The following PARM1 variants were observed in gnomAD, a reference collection of about 807,000 sequenced individuals.
PARM1 encodes the protein WSC4, cell wall integrity and stress response component 4 homolog.
A neutral mutation model predicts 24.6 loss-of-function variants in PARM1; 14 were observed. The observed-to-expected ratio is 0.57, with a 90% CI of 0.38 to 0.89. The LOEUF (loss-of-function observed/expected upper bound fraction) is 0.89. Among genes scored for constraint, PARM1 ranks in the 40% least tolerant of loss-of-function variants. PARM1 has a pLI of 0.00. For synonymous variants in PARM1, 179 were observed against 156.6 expected (o/e 1.14, Z -1.07); for missense variants, 362 against 380.4 (o/e 0.95, Z 0.40).
intron 2 of PARM1, among the ~76,000 whole-genome samples, chr4:75,021,684 C>T (rs1723091291): frequency 1.3e-5 from 2 of 152,064 alleles, no homozygotes; most frequent in Non-Finnish European, 2.9e-5. Context: ...CGAGGTTTAC[C>T]TTCCTCCTAA....
At chr4:75,009,361 C>T (rs545391179) in intron 1 of PARM1, among the ~76,000 whole-genome samples, 1 of 152,330 alleles carries the variant, frequency 6.6e-6, no homozygotes, top group East Asian at 1.9e-4. Flanking sequence ...AGCCTAGTAC[C>T]TGAATGTTTC....
intron 1 of PARM1, among the ~76,000 whole-genome samples, chr4:74,977,210 T>C (rs1000626970): frequency 9.9e-5 from 15 of 152,138 alleles, no homozygotes; most frequent in African/African-American, 3.1e-4. Flanking sequence ...CTAAGAATCA[T>C]GATAAAACAT....
In PARM1 at chr4:74,933,278, G is replaced by T. The variant is rs200035210; in HGVS notation, c.-50G>T. The T allele has an allele frequency of 3.8e-6, 6 of 1,569,048 alleles. No individual in the cohort carries two copies. Among genetic ancestry groups the T allele is most frequent in the African/African-American group, 1.4e-5 (1 of 73,752 alleles). On this transcript the variant is annotated 5_prime_UTR_variant, in exon 1 of 4. Transcript: ENST00000307428. Reference sequence around the variant, plus strand: ...AGCGCCCAGTGCGCTCTGTCAGTCCGCAAACTCCTTGCCGCCCGCCCCGGG... The same window carrying T: ...AGCGCCCAGTGCGCTCTGTCAGTCCTCAAACTCCTTGCCGCCCGCCCCGGG...
intron 1 of PARM1, among the ~76,000 whole-genome samples, chr4:75,010,567 A>G (rs1159415045): frequency 6.6e-6 from 1 of 152,236 alleles, no homozygotes; most frequent in Non-Finnish European, 1.5e-5. Flanking sequence ...ACAACAGGCT[A>G]GAGTAGAAAA....
At chr4:74,947,614 A>G (rs1383482458) in intron 1 of PARM1, among the ~76,000 whole-genome samples, 1 of 152,206 alleles carries the variant, frequency 6.6e-6, no homozygotes, top group Non-Finnish European at 1.5e-5. Flanking sequence ...GTTTTCAACA[A>G]CCCTTATATT....
At chr4:75,021,117 GAATC>G (rs1001046405) in intron 2 of PARM1, among the ~76,000 whole-genome samples, 40 of 152,184 alleles carry the variant, frequency 2.6e-4, no homozygotes, top group African/African-American at 6.0e-4. Flanking sequence ...AATGTCCAAT[GAATC>G]AATCAATCAA....
chr4:75,006,092 A>G (rs1233795107), intron 1 of PARM1, among the ~76,000 whole-genome samples: 1 of 152,228 alleles, frequency 6.6e-6, no homozygotes, highest in Non-Finnish European at 1.5e-5. Context: ...TATTTTCTTC[A>G]AAGAAAAGTG....
At chr4:74,992,349 C>T (rs1722494707) in intron 1 of PARM1, among the ~76,000 whole-genome samples, 1 of 152,122 alleles carries the variant, frequency 6.6e-6, no homozygotes, top group South Asian at 2.1e-4. Context: ...AATAACAGAG[C>T]AGCAATGAGT....
intron 2 of PARM1, among the ~76,000 whole-genome samples, chr4:75,015,990 C>T (rs1364540072): frequency 6.6e-6 from 1 of 152,208 alleles, no homozygotes; most frequent in African/African-American, 2.4e-5. Context: ...AGCATTTTGT[C>T]TCATTCTGTG....
At chr4:74,947,783 C>T (rs1578023433) in intron 1 of PARM1, among the ~76,000 whole-genome samples, 1 of 152,190 alleles carries the variant, frequency 6.6e-6, no homozygotes, top group Non-Finnish European at 1.5e-5. Context: ...ATACTCTTCT[C>T]TCCTCCTTTG....
intron 1 of PARM1, among the ~76,000 whole-genome samples, chr4:74,960,083 A>G (rs1319552869): frequency 6.6e-6 from 1 of 152,244 alleles, no homozygotes; most frequent in Non-Finnish European, 1.5e-5. Context: ...TGTAACTTGC[A>G]GGCAGTTTGT....
chr4:75,012,068 T>C (rs993229486), intron 1 of PARM1, among the ~76,000 whole-genome samples: 6 of 152,174 alleles, frequency 3.9e-5, no homozygotes, highest in Admixed American at 2.6e-4. Flanking sequence ...AGTTGGCTGC[T>C]CGGCAGTCCA....
intron 1 of PARM1, among the ~76,000 whole-genome samples, chr4:74,981,363 A>G (rs896066123): frequency 9.9e-5 from 15 of 152,130 alleles, no homozygotes; most frequent in African/African-American, 3.4e-4. Flanking sequence ...TGGCCAAGAA[A>G]CATATGAAAA....
At chr4:75,010,200 C>T (rs1171707491) in intron 1 of PARM1, among the ~76,000 whole-genome samples, 2 of 152,186 alleles carry the variant, frequency 1.3e-5, no homozygotes, top group Non-Finnish European at 2.9e-5. Flanking sequence ...CTGCCACATG[C>T]TATCACATGG....
chr4:74,995,183 G>C (rs1444725019), intron 1 of PARM1, among the ~76,000 whole-genome samples: 1 of 152,142 alleles, frequency 6.6e-6, no homozygotes. Flanking sequence ...TTAATTGGGA[G>C]CCTTATAAGA....
At chr4:74,936,979 C>T (rs1371514090) in intron 1 of PARM1, among the ~76,000 whole-genome samples, 1 of 152,110 alleles carries the variant, frequency 6.6e-6, no homozygotes, top group Non-Finnish European at 1.5e-5. Context: ...AGGCACCCTG[C>T]GCAGACGTAT....
At chr4:74,986,351 G>C (rs886795998) in intron 1 of PARM1, among the ~76,000 whole-genome samples, 2 of 152,152 alleles carry the variant, frequency 1.3e-5, no homozygotes, top group Non-Finnish European at 2.9e-5. Flanking sequence ...TACTCAAAGT[G>C]CTAATTACAG....
intron 1 of PARM1, among the ~76,000 whole-genome samples, chr4:74,990,910 A>T (rs1406129530): frequency 1.3e-5 from 2 of 152,172 alleles, no homozygotes; most frequent in African/African-American, 4.8e-5. Flanking sequence ...TGTCATATTT[A>T]TGGAATGGTA....
chr4:75,038,858 T>G (rs1723420300), intron 3 of PARM1, among the ~76,000 whole-genome samples: 1 of 152,244 alleles, frequency 6.6e-6, no homozygotes, highest in African/African-American at 2.4e-5. Context: ...AGACCGTATC[T>G]GCTAAGACCA....
Sources: allele counts gnomAD v4.1 joint callset (sites outside exome capture counted in the v4.1 genomes callset), GRCh38; gene constraint gnomAD v4.1.1; transcripts MANE v1.5; gene names NCBI Gene and HGNC (gene_info 2026-07-23, HGNC 2026-07-21).